Variants in NDST4 observed in about 807,000 individuals in gnomAD.
The protein encoded by NDST4 is N-deacetylase and N-sulfotransferase 4.
Under a neutral mutation model 100.8 loss-of-function variants are expected in NDST4, and 63 were observed. The observed-to-expected ratio is 0.62, with a 90% CI of 0.51 to 0.77. The LOEUF is 0.77. NDST4 is among the 30% of genes least tolerant of loss of function. NDST4 has a pLI of 0.00. For missense variants in NDST4, 943 were observed against 1,018.4 expected (o/e 0.93, Z 1.01); for synonymous variants, 377 against 361.8 (o/e 1.04, Z -0.48).
chr4:115,093,519 C>T (rs1359850832), intron 1 of NDST4, among the ~76,000 whole-genome samples: 1 of 151,806 alleles, frequency 6.6e-6, no homozygotes. Flanking sequence ...ATATGACTAA[C>T]AAATTTGGTC....
chr4:115,060,476 A>G (rs548950976), intron 2 of NDST4, among the ~76,000 whole-genome samples: 80 of 152,140 alleles, frequency 5.3e-4, no homozygotes, highest in African/African-American at 1.9e-3. Flanking sequence ...AGAGACTTAT[A>G]ATCAAAATTA....
intron 6 of NDST4, among the ~76,000 whole-genome samples, chr4:114,872,768 G>A (rs1480912676): frequency 6.6e-6 from 1 of 151,944 alleles, no homozygotes; most frequent in Non-Finnish European, 1.5e-5. Context: ...GAAGCACAGA[G>A]CAGTTAAGTA....
intron 7 of NDST4, among the ~76,000 whole-genome samples, chr4:114,863,751 A>C (rs1005784673): frequency 6.6e-6 from 1 of 152,240 alleles, no homozygotes; most frequent in Non-Finnish European, 1.5e-5. Context: ...CAGGTGATGC[A>C]CATGGTTTGT....
chr4:114,883,977 G>A (rs907470341), intron 6 of NDST4, among the ~76,000 whole-genome samples: 9 of 152,014 alleles, frequency 5.9e-5, no homozygotes, highest in African/African-American at 2.2e-4. Flanking sequence ...GGGACCCCTG[G>A]TCTACAAGAC....
At chr4:114,873,978 G>A (rs1307663875) in intron 6 of NDST4, among the ~76,000 whole-genome samples, 2 of 152,090 alleles carry the variant, frequency 1.3e-5, no homozygotes, top group East Asian at 3.8e-4. Context: ...TCATTTCTAA[G>A]TATGCAGTTC....
intron 6 of NDST4, among the ~76,000 whole-genome samples, chr4:114,933,852 A>C (rs1018560140): frequency 2.0e-5 from 3 of 152,216 alleles, no homozygotes; most frequent in Non-Finnish European, 4.4e-5. Flanking sequence ...AAGATGAAAG[A>C]TAACAAAGTT....
chr4:115,042,969 G>T (rs999085092), intron 2 of NDST4, among the ~76,000 whole-genome samples: 2 of 151,772 alleles, frequency 1.3e-5, no homozygotes, highest in African/African-American at 4.8e-5. Context: ...ATGTCTCTGT[G>T]TTTTTTTCAA....
chr4:114,886,652 A>G (rs1236296688), intron 6 of NDST4, among the ~76,000 whole-genome samples: 1 of 152,132 alleles, frequency 6.6e-6, no homozygotes, highest in Non-Finnish European at 1.5e-5. Flanking sequence ...GGTTTTGCTC[A>G]TTACCATGTA....
chr4:114,906,955 C>T (rs1201187985), intron 6 of NDST4, among the ~76,000 whole-genome samples: 4 of 151,946 alleles, frequency 2.6e-5, no homozygotes, highest in African/African-American at 7.2e-5. Context: ...CTTTTAGATT[C>T]ATGATTATAT....
chr4:115,106,329 C>T (rs1729832751), intron 1 of NDST4, among the ~76,000 whole-genome samples: 1 of 152,062 alleles, frequency 6.6e-6, no homozygotes, highest in Non-Finnish European at 1.5e-5. Context: ...GTATTAGTGT[C>T]ATCAAACTTT....
At chr4:114,901,101 A>G (rs1724828498) in intron 6 of NDST4, among the ~76,000 whole-genome samples, 1 of 151,776 alleles carries the variant, frequency 6.6e-6, no homozygotes, top group African/African-American at 2.4e-5. Context: ...TGCAACCTTG[A>G]GAAGACGGTG....
intron 4 of NDST4, among the ~76,000 whole-genome samples, chr4:114,966,591 C>T (rs377508492): frequency 6.6e-6 from 1 of 151,978 alleles, no homozygotes; most frequent in East Asian, 1.9e-4. Context: ...ACTGACAATC[C>T]CTCTGACAGC....
intron 6 of NDST4, among the ~76,000 whole-genome samples, chr4:114,926,287 A>G (rs1380906685): frequency 6.6e-6 from 1 of 152,074 alleles, no homozygotes; most frequent in African/African-American, 2.4e-5. Context: ...AATGGCCCTC[A>G]TATCATTTAA....
chr4:114,941,511 GAGTTTC>G (rs1725750087), intron 4 of NDST4, among the ~76,000 whole-genome samples: 1 of 152,052 alleles, frequency 6.6e-6, no homozygotes, highest in South Asian at 2.1e-4. Context: ...TTATGAAAAT[GAGTTTC>G]AGCCTTTTAG....
intron 2 of NDST4, among the ~76,000 whole-genome samples, chr4:115,023,987 C>T (rs13125045): frequency 6.6e-6 from 1 of 152,136 alleles, no homozygotes; most frequent in Non-Finnish European, 1.5e-5. Context: ...CCAGGTGTGG[C>T]TTGGCCTGCC....
At chr4:114,934,541 G>C (rs1345895236) in intron 6 of NDST4, among the ~76,000 whole-genome samples, 1 of 146,398 alleles carries the variant, frequency 6.8e-6, no homozygotes, top group Non-Finnish European at 1.5e-5. Flanking sequence ...GCAACAGAGC[G>C]AGACTGCCTC....
At chr4:114,839,334 C>T (rs1354920509) in intron 11 of NDST4, 44 bp downstream of exon 11, 1 of 1,524,992 alleles carries the variant, frequency 6.6e-7, no homozygotes, top group Non-Finnish European at 8.9e-7. Flanking sequence ...AATTTCAGGA[C>T]ATTATAATAA....
intron 2 of NDST4, among the ~76,000 whole-genome samples, chr4:115,034,518 G>T (rs1196209957): frequency 6.6e-6 from 1 of 152,016 alleles, no homozygotes; most frequent in Non-Finnish European, 1.5e-5. Flanking sequence ...AACAATTTGA[G>T]TCACATTTGA....
At chr4:114,992,489 G>A (rs1209824379) in intron 2 of NDST4, among the ~76,000 whole-genome samples, 1 of 150,558 alleles carries the variant, frequency 6.6e-6, no homozygotes, top group Non-Finnish European at 1.5e-5. Flanking sequence ...TCACTGGGTT[G>A]TACAGGTGAC....
Sources: gnomAD v4.1 joint callset for allele counts (sites outside exome capture counted in the v4.1 genomes callset) on GRCh38, gnomAD v4.1.1 for gene constraint, MANE v1.5 for transcripts, NCBI Gene and HGNC (gene_info 2026-07-23, HGNC 2026-07-21) for gene names.